Variants in CD163 observed in about 807,000 individuals in gnomAD.
CD163 encodes the protein scavenger receptor cysteine-rich type 1 protein M130.
In CD163, 64 loss-of-function variants were observed where a neutral mutation model predicts 129.2. The ratio of observed to expected loss-of-function variants is 0.50; its 90% confidence interval spans 0.41 to 0.61. CD163 has a LOEUF of 0.61. Ranked by LOEUF, CD163 falls within the 20% of genes least tolerant of loss-of-function variation. The pLI is 0.00. For missense variants in CD163, 1,061 were observed against 1,377.9 expected, an observed-to-expected ratio of 0.77 and a Z score of 3.64; for synonymous variants, 446 against 478.5, an observed-to-expected ratio of 0.93 and a Z score of 0.89.
intron 6 of CD163, among the ~76,000 whole-genome samples, chr12:7,488,789 T>C (rs746348712): frequency 6.6e-6 from 1 of 152,326 alleles, no homozygotes; most frequent in South Asian, 2.1e-4. Flanking sequence ...GCTTAAAGTA[T>C]TCAAAGTTGA....
chr12:7,495,561 T>G (rs1222526245), intron 5 of CD163, among the ~76,000 whole-genome samples, 160 bp from the exon 6 acceptor site: 1 of 152,184 alleles, frequency 6.6e-6, no homozygotes. Context: ...CATAAATTTT[T>G]GTTAGAAATG....
rs1176076500 is a variant in CD163 at position 7,495,274 on chromosome 12, C to T, written c.1227G>A (p.Val409=). The change falls in exon 6 of 17, where the codon GTG becomes GTA. Residue 409 remains valine, a synonymous_variant. Coordinates refer to ENST00000432237, the MANE Select transcript of CD163 (RefSeq NM_203416.4). ...ATCCACATCCCAGCTGCCTGCAAAC[C>T]ACATCAGCTTCTTTCAGTCCCCAGC... ...DRGWGLKEAD[V]VCRQLGCGSA... is the part of the protein sequence containing the mutation. 2 of 1,614,078 alleles carry T rather than the reference C, an allele frequency of 1.2e-6. No homozygotes were observed. The highest frequency in any genetic ancestry group is 2.7e-5 in the African/African-American group (2 of 75,016).
At chr12:7,480,022 GAAAT>G (rs1949140925) in intron 15 of CD163, 109 bp from the exon 16 acceptor site, 1 of 1,598,394 alleles carries the variant, frequency 6.3e-7, no homozygotes, top group African/African-American at 1.3e-5. Context: ...TAATTACTGG[GAAAT>G]AAACCAGACC....
At chr12:7,493,351 C>T (rs1380069943) in intron 6 of CD163, among the ~76,000 whole-genome samples, 1 of 152,134 alleles carries the variant, frequency 6.6e-6, no homozygotes, top group Non-Finnish European at 1.5e-5. Flanking sequence ...ACTTCGTCTA[C>T]CAGATTGGCT....
intron 14 of CD163, among the ~76,000 whole-genome samples, chr12:7,482,113 A>G (rs1369981369): frequency 6.6e-6 from 1 of 152,190 alleles, no homozygotes; most frequent in African/African-American, 2.4e-5. Flanking sequence ...AAGTTCCACC[A>G]AGATTTATTG....
rs1949227649 is a variant in CD163, at chr12:7,484,978, A to G, written c.2779+118T>C. The G allele has an allele frequency of 4.4e-6, 4 of 917,994 alleles. No homozygotes were observed. In the Admixed American group the frequency reaches 6.9e-5, roughly 16 times the overall value. 56.9% of individuals were successfully genotyped at this position (917,994 alleles called of 1,614,324 possible). A position where few individuals can be genotyped will look rare whatever the true frequency, so the allele number is the denominator to read the frequency against. ...CCCACAAGTTACCCATTCTTGCTTA[A>G]TTCAATCTAACAATTTAAGCCAGTG... is the stretch of plus-strand genomic sequence containing the variant. On this transcript the variant is annotated intron_variant, in intron 11 of 16. Transcript: ENST00000432237.
At chr12:7,488,459 C>A (rs1157079646) in intron 6 of CD163, among the ~76,000 whole-genome samples, 1 of 152,180 alleles carries the variant, frequency 6.6e-6, no homozygotes, top group Non-Finnish European at 1.5e-5. Context: ...CCATGTACTG[C>A]AATCTGGGGT....
rs767288054 is a variant in CD163, at chr12:7,485,914, C to G, written c.2459-498G>C. On this transcript the variant is annotated intron_variant, in intron 10 of 16. Coordinates refer to ENST00000432237, the MANE Select transcript of CD163 (RefSeq NM_203416.4). This position sits in a 1 kb window ranked among gnomAD's most constrained non-coding sequence, Gnocchi z 4.5. ...TTCTGAGATACAGAGTTTTTCACTT[C>G]CTTAAGTTACTGAATCATAGTTCTG... is the stretch of plus-strand genomic sequence containing the variant. Among the ~76,000 whole-genome samples, 26 of 152,078 alleles carry G rather than the reference C, an allele frequency of 1.7e-4. No individual in the cohort carries two copies. The highest frequency in any genetic ancestry group is 3.2e-4 in the Non-Finnish European group (22 of 68,020).
chr12:7,479,819 C>T, intron 16 of CD163, 41 bp downstream of exon 16: 1 of 1,594,906 alleles, frequency 6.3e-7, no homozygotes, highest in Non-Finnish European at 8.5e-7. Flanking sequence ...AAAAGGAATG[C>T]AGCTGTTTTG....
Position 7,487,127 on chromosome 12 carries a change from G to A in CD163, c.2051-141C>T. 1 of 812,734 alleles carries A rather than the reference G, an allele frequency of 1.2e-6. No homozygotes were observed. The allele number at this position is 812,734 out of a possible 1,614,324, so 50.3% of individuals were successfully genotyped here. On this transcript the variant is annotated intron_variant, in intron 8 of 16. Transcript: ENST00000432237. This position sits in a 1 kb window ranked among gnomAD's most constrained non-coding sequence, Gnocchi z 5.1. ...TGGTCAACAAGTTTGAAATAAATCA[G>A]GTGCTTTGAGATGGGCTTGGCACAT...
At chr12:7,476,957 C>T (rs1949096654) in intron 16 of CD163, among the ~76,000 whole-genome samples, 1 of 152,146 alleles carries the variant, frequency 6.6e-6, no homozygotes, top group African/African-American at 2.4e-5. Flanking sequence ...CAAAAGAAGA[C>T]ATTTATGTGG....
In CD163 at chr12:7,471,221, T is replaced by C. The variant is rs1948998737; in HGVS notation, c.*208A>G. 6.6e-6 allele frequency: 1 copy of C among 152,356 alleles called. No homozygotes were observed. Among genetic ancestry groups the C allele is most frequent in the East Asian group, 1.9e-4 (1 of 5,188 alleles). 9.4% of individuals were successfully genotyped at this position (152,356 alleles called of 1,614,324 possible). On this transcript the variant is annotated 3_prime_UTR_variant, in exon 17 of 17. Transcript: ENST00000432237. ...TTATTTAATTCCCTTGAAAGTCTCA[T>C]ATACACCACTAAGTAGTCACATTCA...
In CD163 at chr12:7,482,661, G is replaced by C. The variant is rs942277098; in HGVS notation, c.3229C>G (p.Gln1077Glu). 5 of 1,613,994 alleles carry C rather than the reference G, an allele frequency of 3.1e-6. No homozygotes were observed. Among genetic ancestry groups the C allele is most frequent in the African/African-American group, 1.3e-5 (1 of 74,910 alleles). ...ALFFLTKKRR[Q>E]RQRLAVSSRG... ...CTCAAACCTGCAAGCCGCTGTCTCTGTCTTCGCTTTTTAGTCAAGAAGAAT... is the reference window on the plus strand; with the variant it reads ...CTCAAACCTGCAAGCCGCTGTCTCTCTCTTCGCTTTTTAGTCAAGAAGAAT... The change falls in exon 14 of 17, where the codon CAG becomes GAG. Residue 1077 changes from glutamine to glutamate, a missense_variant. Physicochemically the swap from Gln to Glu is conservative, Grantham distance 29 (BLOSUM62 2). Transcript: ENST00000432237.
At chr12:7,471,943 A>G (rs960640003) in intron 16 of CD163, 13 of 152,254 alleles carry the variant, frequency 8.5e-5, no homozygotes, top group Non-Finnish European at 1.6e-4. Context: ...ACTTGAGTAG[A>G]CGGTTTTCCC....
intron 4 of CD163, among the ~76,000 whole-genome samples, chr12:7,498,017 A>C (rs1262722998): frequency 1.3e-5 from 2 of 152,138 alleles, no homozygotes; most frequent in Non-Finnish European, 2.9e-5. Flanking sequence ...TTGTTCAAGA[A>C]CCTGAATCCA....
At chr12:7,499,654 A>G (rs1449877765) in intron 3 of CD163, among the ~76,000 whole-genome samples, 1 of 152,204 alleles carries the variant, frequency 6.6e-6, no homozygotes, top group Non-Finnish European at 1.5e-5. Context: ...TTCTATACAC[A>G]GCAATAATTA....
chr12:7,502,708 C>T (rs1025170644), intron 1 of CD163, 144 bp from the exon 2 acceptor site: 60 of 667,882 alleles, frequency 9.0e-5, no homozygotes, highest in Non-Finnish European at 8.4e-5. Context: ...AGGCAGAAAA[C>T]ATTCATACCC....
chr12:7,487,038 C>A lies in CD163; in HGVS notation c.2051-52G>T. On this transcript the variant is annotated intron_variant, in intron 8 of 16. Coordinates refer to ENST00000432237, the MANE Select transcript of CD163 (RefSeq NM_203416.4). The surrounding 1 kb of genome is among the most constrained non-coding windows in gnomAD (Gnocchi z 5.1). ...ACAAGACACAAAAGGTTAGGGGAGT[C>A]AGATGAAATGTTATATGGATGAGTT... 1 of 1,401,026 alleles carries A rather than the reference C, an allele frequency of 7.1e-7. No individual in the cohort carries two copies. Among genetic ancestry groups the A allele is most frequent in the South Asian group, 1.2e-5 (1 of 84,062 alleles). The allele number at this position is 1,401,026 out of a possible 1,614,324, so 86.8% of individuals were successfully genotyped here.
chr12:7,482,907 C>T (rs1051036305), intron 13 of CD163, 59 bp downstream of exon 13: 2 of 1,596,552 alleles, frequency 1.3e-6, no homozygotes, highest in Non-Finnish European at 1.7e-6. Flanking sequence ...AATTTCTAAA[C>T]AAGAAAAATT....
Sources: allele counts gnomAD v4.1 joint callset (sites outside exome capture counted in the v4.1 genomes callset), GRCh38; gene constraint gnomAD v4.1.1; non-coding constraint Gnocchi (gnomAD v3.1); transcripts MANE v1.5; gene names NCBI Gene and HGNC (gene_info 2026-07-23, HGNC 2026-07-21).